Variants in PLA2G6 observed in about 807,000 individuals in gnomAD.
PLA2G6 encodes 85/88 kDa calcium-independent phospholipase A2.
PLA2G6 carries 62 observed loss-of-function variants against 83.8 expected under a neutral mutation model. That is an observed-to-expected ratio of 0.74 (90% CI 0.60 to 0.91). The LOEUF (loss-of-function observed/expected upper bound fraction) is 0.91, where lower values mean the gene tolerates loss of function less well. Among genes scored for constraint, PLA2G6 ranks in the 40% least tolerant of loss-of-function variants. The pLI, the probability that PLA2G6 is intolerant of heterozygous loss-of-function variation, is 0.00. For missense variants in PLA2G6, 944 were observed against 1,102.0 expected (o/e 0.86, Z 2.03); for synonymous variants, 417 against 449.8 (o/e 0.93, Z 0.92).
rs1477320350 is a variant in PLA2G6, at chr22:38,111,863, G to A, written c.*298C>T. 3 of 457,992 alleles carry A rather than the reference G, an allele frequency of 6.6e-6. No individual in the cohort carries two copies. Among genetic ancestry groups the A allele is most frequent in the Non-Finnish European group, 1.2e-5 (3 of 246,032 alleles). 28.4% of individuals were successfully genotyped at this position (457,992 alleles called of 1,614,324 possible). A position where few individuals can be genotyped will look rare whatever the true frequency, so the allele number is the denominator to read the frequency against. On this transcript the variant is annotated 3_prime_UTR_variant, in exon 17 of 17. Transcript: ENST00000332509. The stretch of plus-strand genomic sequence containing the variant: ...GGGGCAGGGGTACGGTTGTGCCCGG[G>A]TACCCTTAATGTTTGAGCTGATGGG...
At position 38,139,985 on chromosome 22, in the gene PLA2G6, T is replaced by C. The variant is rs757517755; in HGVS notation, c.794A>G (p.Lys265Arg). 7 of 1,589,522 alleles carry C rather than the reference T, an allele frequency of 4.4e-6. No individual in the cohort carries two copies. The highest frequency in any genetic ancestry group is 6.0e-6 in the Non-Finnish European group (7 of 1,166,568). ...TGGGGAGGGGAGGAGGTCTTACCCC[T>C]TCTGAGAGAACTTCATGGCCGAGTG... ...PIHSAMKFSQ[K>R]GCAEMIISMD... The change falls in exon 5 of 17, where the codon AAG becomes AGG. Residue 265 changes from lysine to arginine, a missense_variant. Physicochemically the swap from Lys to Arg is conservative, Grantham distance 26. Transcript: ENST00000332509.
chr22:38,159,669 G>T (rs1054538442), intron 2 of PLA2G6, among the ~76,000 whole-genome samples: 1 of 151,896 alleles, frequency 6.6e-6, no homozygotes, highest in Non-Finnish European at 1.5e-5. Context: ...AGTTGAGGCT[G>T]CAGTGAGCCA....
chr22:38,152,871 C>T (rs1428202979), intron 2 of PLA2G6, among the ~76,000 whole-genome samples: 1 of 151,822 alleles, frequency 6.6e-6, no homozygotes, highest in Non-Finnish European at 1.5e-5. Flanking sequence ...AAGCATTATG[C>T]TAAGTGAAAA....
In PLA2G6 at chr22:38,132,829, AC is replaced by A; in HGVS notation, c.1077+1del. On this transcript the variant is annotated splice_donor_variant, in intron 7 of 16. Coordinates refer to ENST00000332509, the MANE Select transcript of PLA2G6 (RefSeq NM_003560.4). LOFTEE classifies it high-confidence loss of function. The surrounding 1 kb of genome is among the most constrained non-coding windows in gnomAD (Gnocchi z 5.0). Reference sequence around the variant, plus strand: ...GGGCAGGACACGCGGTCCTGGGCTCACCGACATGGCCAGGTGCAGCGGGGTG... The same window carrying A: ...GGGCAGGACACGCGGTCCTGGGCTCACGACATGGCCAGGTGCAGCGGGGTG... 1 of 1,544,752 alleles carries A rather than the reference AC, an allele frequency of 6.5e-7. No individual in the cohort carries two copies. Among genetic ancestry groups the A allele is most frequent in the Non-Finnish European group, 8.7e-7 (1 of 1,147,148 alleles).
intron 2 of PLA2G6, chr22:38,146,382 CTA>C (rs1569279166): frequency 6.5e-6 from 1 of 152,738 alleles, no homozygotes; most frequent in Non-Finnish European, 1.5e-5. Context: ...GGGGGTCTTG[CTA>C]TGTTGCCCAG....
At position 38,128,359 on chromosome 22, in the gene PLA2G6, C is replaced by T. The variant is rs769148122; in HGVS notation, c.1258G>A (p.Gly420Arg). ...GCAGAGCCCTGCTCCGCGGGGACCC[C>T]GTGGATGGGTGGGAAGCAGTATTCG... ...GAEYCFPPIHGVPAEQGSAAP... is the reference protein window; with the variant it reads ...GAEYCFPPIHRVPAEQGSAAP... The change falls in exon 9 of 17, where the codon GGG (glycine) becomes AGG (arginine). Residue 420 changes from glycine (G) to arginine (R), a missense_variant. Gly to Arg is a moderately radical substitution (Grantham distance 125, BLOSUM62 -2). Transcript: ENST00000332509. The surrounding 1 kb of genome is among the most constrained non-coding windows in gnomAD (Gnocchi z 4.4). The T allele has an allele frequency of 1.3e-5, 21 of 1,613,704 alleles. No individual in the cohort carries two copies. Among genetic ancestry groups the T allele is most frequent in the South Asian group, 1.1e-4 (10 of 91,064 alleles).
intron 11 of PLA2G6, among the ~76,000 whole-genome samples, 163 bp downstream of exon 11, chr22:38,122,932 C>G (rs567210751): frequency 6.6e-6 from 1 of 151,742 alleles, no homozygotes; most frequent in South Asian, 2.1e-4. Flanking sequence ...CTCCTTCCAG[C>G]CTGGGACCTC....
intron 2 of PLA2G6, among the ~76,000 whole-genome samples, chr22:38,152,838 A>C (rs132948): frequency 0.18 from 27,876 of 152,180 alleles, 2,871 homozygotes; most frequent in East Asian, 0.44. Flanking sequence ...AATCATATGA[A>C]AACGCTCAAT....
Position 38,113,529 on chromosome 22 carries a change from A to G in PLA2G6, c.2160T>C (p.Thr720=). 6.2e-7 allele frequency: 1 copy of G among 1,614,082 alleles called. No individual in the cohort carries two copies. Among genetic ancestry groups the G allele is most frequent in the Non-Finnish European group, 8.5e-7 (1 of 1,180,024 alleles). ...RPSNPWELAK[T]VFGAKELGKM... is the part of the protein sequence containing the mutation. ...TGCCCAGTTCCTTGGCCCCAAAAACAGTCTTGGCCAGCTCCCAGGGGTTGC... is the reference window on the plus strand; with the variant it reads ...TGCCCAGTTCCTTGGCCCCAAAAACGGTCTTGGCCAGCTCCCAGGGGTTGC... The change falls in exon 15 of 17, where the codon ACT becomes ACC. Residue 720 remains threonine (T), a synonymous_variant. Transcript: ENST00000332509.
intron 11 of PLA2G6, among the ~76,000 whole-genome samples, chr22:38,122,787 G>A (rs1164034494): frequency 2.0e-5 from 3 of 152,186 alleles, no homozygotes; most frequent in Non-Finnish European, 4.4e-5. Flanking sequence ...TGCCTGCTTT[G>A]CAGGGGTGAG....
chr22:38,175,384 C>T (rs567150743), intron 1 of PLA2G6, among the ~76,000 whole-genome samples: 1 of 152,142 alleles, frequency 6.6e-6, no homozygotes, highest in African/African-American at 2.4e-5. Context: ...GCCAGTGGCG[C>T]CCCATGACCT....
intron 2 of PLA2G6, chr22:38,148,296 G>C (rs556595693): frequency 2.8e-5 from 15 of 540,244 alleles, no homozygotes; most frequent in Non-Finnish European, 4.9e-5. Context: ...AAAGGATAGC[G>C]AATGGGGAAA....
chr22:38,172,673 C>A (rs2090480427), intron 1 of PLA2G6, among the ~76,000 whole-genome samples: 1 of 152,208 alleles, frequency 6.6e-6, no homozygotes, highest in Admixed American at 6.5e-5. Flanking sequence ...GAGAGGCTAC[C>A]CCGAGGACGG....
intron 2 of PLA2G6, 32 bp downstream of exon 2, chr22:38,169,186 A>C: frequency 3.3e-6 from 5 of 1,534,490 alleles, no homozygotes; most frequent in Non-Finnish European, 4.5e-6. Context: ...GAGTGAAAGG[A>C]GAGAAGTATG....
At chr22:38,181,429 G>T (rs1031254362) in intron 1 of PLA2G6, among the ~76,000 whole-genome samples, 4 of 152,108 alleles carry the variant, frequency 2.6e-5, no homozygotes, top group Admixed American at 2.0e-4. Flanking sequence ...AGGCACTGAG[G>T]GTCGGGGAAA....
At chr22:38,143,553 T>G (rs911773916) in intron 3 of PLA2G6, 6 of 574,104 alleles carry the variant, frequency 1.0e-5, no homozygotes, top group Non-Finnish European at 1.9e-5. Context: ...GGCAGGGTGG[T>G]GGCACAGGAA....
Position 38,162,222 on chromosome 22 carries a change from AG to A in PLA2G6, c.209+6995del, listed in dbSNP as rs1164503917. 2.1e-3 allele frequency among the ~76,000 whole-genome samples: 306 copies of A among 147,242 alleles called. 5 individuals carry two copies. The highest frequency in any genetic ancestry group is 7.5e-3 in the African/African-American group (294 of 39,024). Reference sequence around the variant, plus strand: ...AGACTCTGTGTCAAAAAAAAAAAAAAGAAAAAAAAAAAAAAAGAAAGTGAGA... The same window carrying A: ...AGACTCTGTGTCAAAAAAAAAAAAAAAAAAAAAAAAAAAAAGAAAGTGAGA... On this transcript the variant is annotated intron_variant, in intron 2 of 16. Coordinates refer to ENST00000332509, the MANE Select transcript of PLA2G6 (RefSeq NM_003560.4).
intron 7 of PLA2G6, chr22:38,131,766 G>A (rs967971237): frequency 1.1e-5 from 2 of 183,416 alleles, no homozygotes; most frequent in Non-Finnish European, 2.3e-5. Flanking sequence ...TCAGTAAACA[G>A]ACTTCTGTAC....
rs940410497 is a variant in PLA2G6, at chr22:38,128,818, C to G, written c.1187-388G>C. 3.9e-5 allele frequency among the ~76,000 whole-genome samples: 6 copies of G among 152,266 alleles called. No homozygotes were observed. Among genetic ancestry groups the G allele is most frequent in the African/African-American group, 1.4e-4 (6 of 41,476 alleles). ...ATGAGCCAGCCAGGGGGCACCTACTCCATTTGATGGATGGGATTGCTGAAA... is the reference window on the plus strand; with the variant it reads ...ATGAGCCAGCCAGGGGGCACCTACTGCATTTGATGGATGGGATTGCTGAAA... On this transcript the variant is annotated intron_variant, in intron 8 of 16. Coordinates refer to ENST00000332509, the MANE Select transcript of PLA2G6 (RefSeq NM_003560.4). This position sits in a 1 kb window ranked among gnomAD's most constrained non-coding sequence, Gnocchi z 4.4.
Sources: gnomAD v4.1 joint callset for allele counts (sites outside exome capture counted in the v4.1 genomes callset) on GRCh38, gnomAD v4.1.1 for gene constraint, Gnocchi (gnomAD v3.1) non-coding constraint, MANE v1.5 for transcripts, NCBI Gene and HGNC (gene_info 2026-07-23, HGNC 2026-07-21) for gene names.